Variants in MYO9B observed in about 807,000 individuals in gnomAD.
The protein encoded by MYO9B is myosin IXB, also known as unconventional myosin-IXb.
A neutral mutation model predicts 229.5 loss-of-function variants in MYO9B; 71 were observed. The observed-to-expected ratio is 0.31, with a 90% confidence interval of 0.26 to 0.38. The LOEUF (loss-of-function observed/expected upper bound fraction) is 0.38. MYO9B is among the 10% of genes least tolerant of loss of function. The probability of loss-of-function intolerance (pLI) is 1.00; values close to 1 mark genes in which losing one functional copy is unlikely to be tolerated. For missense variants in MYO9B, 2,255 were observed against 2,920.5 expected (o/e 0.77, Z 5.25); for synonymous variants, 1,185 against 1,235.8 (o/e 0.96, Z 0.86).
chr19:17,115,656 A>G (rs1409141848), intron 2 of MYO9B, among the ~76,000 whole-genome samples: 2 of 151,826 alleles, frequency 1.3e-5, no homozygotes, highest in South Asian at 2.1e-4. Context: ...TTTAGTAGAA[A>G]TGGGGATTCA....
chr19:17,207,349 G>C lies in MYO9B; in HGVS notation c.5624+105G>C, dbSNP rs2073174272. The C allele has an allele frequency of 2.8e-6, 4 of 1,451,676 alleles. No individual in the cohort carries two copies. The South Asian group carries it at 5.2e-5, about 19-fold the overall frequency. 89.9% of individuals were successfully genotyped at this position (1,451,676 alleles called of 1,614,324 possible). On this transcript the variant is annotated intron_variant, in intron 35 of 39. Coordinates refer to ENST00000682292, the MANE Select transcript of MYO9B (RefSeq NM_004145.4). ...TAAATAAATGTGTAAGAAAAGTCCA[G>C]AGCCGAGTGCAGCGGTTCACACCTG...
In MYO9B at chr19:17,195,550, C is replaced by T; in HGVS notation, c.4046+77C>T. ...CAAGGCCAGGGGCAGTGCCACACAT[C>T]CTGGAAACACATGTGTAATCATGCC... is the stretch of plus-strand genomic sequence containing the variant. On this transcript the variant is annotated intron_variant, in intron 22 of 39. Coordinates refer to ENST00000682292, the MANE Select transcript of MYO9B (RefSeq NM_004145.4). The surrounding 1 kb of genome is among the most constrained non-coding windows in gnomAD (Gnocchi z 4.5). The T allele has an allele frequency of 6.7e-7, 1 of 1,492,014 alleles. No homozygotes were observed. 92.4% of individuals were successfully genotyped at this position (1,492,014 alleles called of 1,614,324 possible). A position where few individuals can be genotyped will look rare whatever the true frequency, so the allele number is the denominator to read the frequency against.
intron 1 of MYO9B, among the ~76,000 whole-genome samples, chr19:17,098,796 A>G (rs1226639252): frequency 6.6e-6 from 1 of 152,086 alleles, no homozygotes; most frequent in Non-Finnish European, 1.5e-5. Flanking sequence ...GCCAGCATGC[A>G]TCGTGGTGTG....
chr19:17,206,595 G>C, intron 33 of MYO9B, 84 bp from the exon 34 acceptor site: 1 of 1,353,944 alleles, frequency 7.4e-7, no homozygotes, highest in Non-Finnish European at 1.0e-6. Flanking sequence ...GATGGCACCT[G>C]TGCATCTCAG....
At chr19:17,163,376 T>TTA (rs1240468748) in intron 10 of MYO9B, among the ~76,000 whole-genome samples, 1 of 144,386 alleles carries the variant, frequency 6.9e-6, no homozygotes, top group African/African-American at 2.6e-5. Context: ...ATTCCACTTT[T>TTA]TTTTTTTTTT....
chr19:17,185,632 G>A (rs1157761380), intron 17 of MYO9B, among the ~76,000 whole-genome samples: 3 of 151,996 alleles, frequency 2.0e-5, no homozygotes, highest in East Asian at 1.9e-4. Flanking sequence ...TCTCCAGAAA[G>A]CGTTTGTCTG....
chr19:17,088,158 G>A (rs1221962442), intron 1 of MYO9B, among the ~76,000 whole-genome samples: 5 of 152,224 alleles, frequency 3.3e-5, no homozygotes, highest in Non-Finnish European at 5.9e-5. Flanking sequence ...GACCCTTCCT[G>A]CCTGTTCTAG....
At chr19:17,128,386 G>C (rs554937494) in intron 2 of MYO9B, among the ~76,000 whole-genome samples, 27 of 152,242 alleles carry the variant, frequency 1.8e-4, no homozygotes, top group African/African-American at 6.5e-4. Context: ...GCAAGACCTT[G>C]TCTCACTAAA....
rs567263491 is a variant in MYO9B at position 17,205,365 on chromosome 19, C to T, written c.5064+29C>T. On this transcript the variant is annotated intron_variant, in intron 31 of 39. Coordinates refer to ENST00000682292, the MANE Select transcript of MYO9B (RefSeq NM_004145.4). ...AGTGTACGAGGCCTGGAACTTTCTA[C>T]AATGACACTCCACTCACGGCCAGGT... is the stretch of plus-strand genomic sequence containing the variant. The T allele has an allele frequency of 3.8e-6, 6 of 1,599,034 alleles. No individual in the cohort carries two copies. In the African/African-American group the frequency reaches 5.4e-5, roughly 14 times the overall value.
In MYO9B at chr19:17,203,192, A is replaced by T; in HGVS notation, c.4924A>T (p.Ile1642Phe). 6.3e-7 allele frequency: 1 copy of T among 1,579,712 alleles called. No homozygotes were observed. The highest frequency in any genetic ancestry group is 1.2e-5 in the South Asian group (1 of 86,048). Residue 1642 changes from isoleucine (I) to phenylalanine (F), a missense_variant, in exon 30 of 40, where the codon ATC becomes TTC. Ile to Phe is a conservative substitution (Grantham distance 21). Transcript: ENST00000682292. Reference sequence around the variant, plus strand: ...CGTGTTCGCCAGCTACCAGGTTAGCATCCCGCAGTCGTGCGAGCAGTGCCT... The same window carrying T: ...CGTGTTCGCCAGCTACCAGGTTAGCTTCCCGCAGTCGTGCGAGCAGTGCCT... ...GHVFASYQVS[I>F]PQSCEQCLSY...
In MYO9B at chr19:17,172,227, C is replaced by T; in HGVS notation, c.1794-109C>T. On this transcript the variant is annotated intron_variant, in intron 11 of 39. Transcript: ENST00000682292. The surrounding 1 kb of genome is among the most constrained non-coding windows in gnomAD (Gnocchi z 8.2). ...CCCTGTGCCACTTCACTGCTCTGCC[C>T]ACCCCATGCACCCACCCACCTCGTG... 1.4e-6 allele frequency: 2 copies of T among 1,410,312 alleles called. No homozygotes were observed. Among genetic ancestry groups the T allele is most frequent in the East Asian group, 2.4e-5 (1 of 41,558 alleles). 87.4% of individuals were successfully genotyped at this position (1,410,312 alleles called of 1,614,324 possible).
chr19:17,162,731 A>G (rs1049714531), intron 9 of MYO9B, among the ~76,000 whole-genome samples: 10 of 151,694 alleles, frequency 6.6e-5, no homozygotes, highest in South Asian at 2.1e-4. Context: ...GCTGAGGCAG[A>G]AGGATTGCTT....
intron 2 of MYO9B, among the ~76,000 whole-genome samples, chr19:17,123,668 C>T (rs2057987481): frequency 6.6e-6 from 1 of 151,936 alleles, no homozygotes; most frequent in Admixed American, 6.6e-5. Context: ...CACAGCCTCC[C>T]AAAGTACTGG....
intron 36 of MYO9B, among the ~76,000 whole-genome samples, 155 bp downstream of exon 36, chr19:17,209,864 G>T (rs951618381): frequency 1.3e-5 from 2 of 152,114 alleles, no homozygotes; most frequent in Non-Finnish European, 2.9e-5. Flanking sequence ...TGCCGAGGAT[G>T]GGACCGGGTA....
intron 2 of MYO9B, among the ~76,000 whole-genome samples, chr19:17,132,374 A>G (rs901989042): frequency 5.4e-5 from 8 of 149,518 alleles, no homozygotes; most frequent in African/African-American, 2.0e-4. Flanking sequence ...TGTAGTAGAG[A>G]CGGGGTTCCA....
At chr19:17,141,070 C>T (rs1271254314) in intron 2 of MYO9B, among the ~76,000 whole-genome samples, 1 of 150,770 alleles carries the variant, frequency 6.6e-6, no homozygotes, top group Non-Finnish European at 1.5e-5. Flanking sequence ...CACCATTGCA[C>T]TCCAGCCTGG....
chr19:17,201,901 A>G, intron 26 of MYO9B, 25 bp from the exon 27 acceptor site: 1 of 1,587,296 alleles, frequency 6.3e-7, no homozygotes, highest in South Asian at 1.1e-5. Context: ...TGAGGCACGC[A>G]GGGTCAGTTC....
At chr19:17,132,034 C>T (rs1045646840) in intron 2 of MYO9B, among the ~76,000 whole-genome samples, 9 of 151,702 alleles carry the variant, frequency 5.9e-5, no homozygotes, top group Non-Finnish European at 1.2e-4. Context: ...CATGCATCAC[C>T]ACGCCTGGCT....
chr19:17,161,810 C>T (rs2072605433), intron 8 of MYO9B, among the ~76,000 whole-genome samples: 1 of 151,444 alleles, frequency 6.6e-6, no homozygotes, highest in African/African-American at 2.4e-5. Context: ...AACAAGACTC[C>T]ACCTCAAAAA....
Sources: allele counts gnomAD v4.1 joint callset (sites outside exome capture counted in the v4.1 genomes callset), GRCh38; gene constraint gnomAD v4.1.1; non-coding constraint Gnocchi (gnomAD v3.1); transcripts MANE v1.5; gene names NCBI Gene and HGNC (gene_info 2026-07-23, HGNC 2026-07-21).